The following PSMD14 variants were observed in gnomAD, a reference collection of about 807,000 sequenced individuals.
PSMD14 encodes the protein proteasome 26S subunit, non-ATPase 14.
In PSMD14, 7 loss-of-function variants were observed where a neutral mutation model predicts 41.2. That is an observed-to-expected ratio of 0.17 (90% CI 0.10 to 0.32). PSMD14 has a LOEUF of 0.32. Among genes scored for constraint, PSMD14 ranks in the 10% least tolerant of loss-of-function variants. The probability of loss-of-function intolerance (pLI) is 1.00; values close to 1 mark genes in which losing one functional copy is unlikely to be tolerated. For missense variants in PSMD14, 139 were observed against 375.6 expected (o/e 0.37, Z 5.21); for synonymous variants, 114 against 122.3 (o/e 0.93, Z 0.45).
chr2:161,390,795 T>G (rs1448890776), intron 8 of PSMD14, among the ~76,000 whole-genome samples: 1 of 152,172 alleles, frequency 6.6e-6, no homozygotes, highest in Non-Finnish European at 1.5e-5. Context: ...TTTAATAAAT[T>G]ATGAATGATT....
intron 3 of PSMD14, among the ~76,000 whole-genome samples, chr2:161,348,692 G>A (rs1683078380): frequency 6.6e-6 from 1 of 152,166 alleles, no homozygotes; most frequent in African/African-American, 2.4e-5. Context: ...AAGGTATAAA[G>A]AAATGCACGA....
intron 3 of PSMD14, among the ~76,000 whole-genome samples, chr2:161,362,982 G>A (rs980470364): frequency 3.9e-5 from 6 of 152,108 alleles, no homozygotes; most frequent in Non-Finnish European, 8.8e-5. Context: ...GCTCTTGTCT[G>A]TCCTGTAATT....
In PSMD14 at chr2:161,357,076, C is replaced by T. The variant is rs1193842213; in HGVS notation, c.49-10402C>T. Among the ~76,000 whole-genome samples, 24 of 124,188 alleles carry T rather than the reference C, an allele frequency of 1.9e-4. 1 individual carries two copies. The highest frequency in any genetic ancestry group is 2.8e-4 in the Non-Finnish European group (17 of 61,524). 81.5% of individuals were successfully genotyped at this position (124,188 alleles called of 152,430 possible). On this transcript the variant is annotated intron_variant, in intron 3 of 11. Transcript: ENST00000409682. Reference sequence around the variant, plus strand: ...TTTATGCTGTTATAATGGCAAATGCCTTTTTTTTTTTTAGCACTTAGTCAA... The same window carrying T: ...TTTATGCTGTTATAATGGCAAATGCTTTTTTTTTTTTTAGCACTTAGTCAA...
intron 3 of PSMD14, among the ~76,000 whole-genome samples, chr2:161,321,820 G>A (rs1682612407): frequency 6.6e-6 from 1 of 152,168 alleles, no homozygotes; most frequent in African/African-American, 2.4e-5. Context: ...GAGCTCCTGT[G>A]CCCTCTCTTC....
chr2:161,340,934 A>G (rs1682945956), intron 3 of PSMD14: 1 of 1,613,394 alleles, frequency 6.2e-7, no homozygotes, highest in East Asian at 2.2e-5. Context: ...CCTCCTCCTC[A>G]GGCCCTTCCG....
chr2:161,405,536 G>A lies in PSMD14; in HGVS notation c.772-3301G>A, dbSNP rs554713356. ...TTTATTGAGATGTTTTAAGGATTCAGTAAATTAATATTTGTAAAATCATGC... is the reference window on the plus strand; with the variant it reads ...TTTATTGAGATGTTTTAAGGATTCAATAAATTAATATTTGTAAAATCATGC... On this transcript the variant is annotated intron_variant, in intron 10 of 11. Transcript: ENST00000409682. 2.6e-5 allele frequency among the ~76,000 whole-genome samples: 4 copies of A among 152,270 alleles called. No individual in the cohort carries two copies. In the East Asian group the frequency reaches 7.7e-4, roughly 29 times the overall value.
chr2:161,314,784 A>C (rs887902986), intron 1 of PSMD14, among the ~76,000 whole-genome samples: 1 of 152,212 alleles, frequency 6.6e-6, no homozygotes, highest in Non-Finnish European at 1.5e-5. Flanking sequence ...TGTTTATAGT[A>C]GAATTTGTTT....
intron 10 of PSMD14, among the ~76,000 whole-genome samples, chr2:161,403,970 A>C (rs547286380): frequency 6.6e-6 from 1 of 151,656 alleles, no homozygotes; most frequent in African/African-American, 2.4e-5. Flanking sequence ...GCATGATACT[A>C]TCATAGCTCA....
chr2:161,329,823 A>T (rs980371210), intron 3 of PSMD14, among the ~76,000 whole-genome samples: 1 of 152,166 alleles, frequency 6.6e-6, no homozygotes, highest in Non-Finnish European at 1.5e-5. Flanking sequence ...GGTCAAAAGC[A>T]AGCTAATTAG....
intron 1 of PSMD14, among the ~76,000 whole-genome samples, chr2:161,313,002 A>G (rs747887993): frequency 3.9e-5 from 6 of 152,194 alleles, no homozygotes; most frequent in Non-Finnish European, 7.4e-5. Context: ...TATGCTTACT[A>G]TATGATAAGC....
intron 3 of PSMD14, among the ~76,000 whole-genome samples, chr2:161,333,926 T>G (rs112335657): frequency 0.074 from 11,257 of 152,030 alleles, 512 homozygotes; most frequent in East Asian, 0.18. Context: ...AGCTACTTGG[T>G]AGGCTGAGGC....
intron 3 of PSMD14, among the ~76,000 whole-genome samples, chr2:161,332,534 C>A (rs1682809544): frequency 6.6e-6 from 1 of 152,166 alleles, no homozygotes; most frequent in African/African-American, 2.4e-5. Context: ...CCATCAAGTG[C>A]TTCCATCTGT....
At chr2:161,336,595 A>C (rs890580724) in intron 3 of PSMD14, among the ~76,000 whole-genome samples, 2 of 152,006 alleles carry the variant, frequency 1.3e-5, no homozygotes, top group African/African-American at 4.8e-5. Context: ...ATTTATTTTG[A>C]GACGGAATCT....
intron 3 of PSMD14, among the ~76,000 whole-genome samples, chr2:161,348,946 A>C (rs1253943838): frequency 6.6e-6 from 1 of 152,250 alleles, no homozygotes; most frequent in Non-Finnish European, 1.5e-5. Context: ...TACTCCAGGT[A>C]GTTGTCACGT....
intron 1 of PSMD14, among the ~76,000 whole-genome samples, chr2:161,309,120 TAAAAAC>T (rs1293379984): frequency 6.6e-6 from 1 of 152,236 alleles, no homozygotes; most frequent in Non-Finnish European, 1.5e-5. Context: ...TTGAATATCT[TAAAAAC>T]AAAGTGTGCT....
At chr2:161,377,973 A>T (rs995085632) in intron 7 of PSMD14, among the ~76,000 whole-genome samples, 1 of 151,902 alleles carries the variant, frequency 6.6e-6, no homozygotes, top group Non-Finnish European at 1.5e-5. Context: ...CGTGGAAACT[A>T]TGACTTTGAT....
chr2:161,364,546 T>C (rs1683333892), intron 3 of PSMD14, among the ~76,000 whole-genome samples: 1 of 152,162 alleles, frequency 6.6e-6, no homozygotes, highest in Admixed American at 6.5e-5. Context: ...CTGTTCATGT[T>C]CTTACATACC....
intron 3 of PSMD14, among the ~76,000 whole-genome samples, chr2:161,364,679 A>G (rs1032623572): frequency 3.3e-5 from 5 of 152,156 alleles, no homozygotes; most frequent in Non-Finnish European, 5.9e-5. Flanking sequence ...GGTCTTTAGT[A>G]TCTGTCCCAT....
chr2:161,387,374 G>A (rs997115102), intron 8 of PSMD14, among the ~76,000 whole-genome samples: 4 of 151,976 alleles, frequency 2.6e-5, no homozygotes, highest in Non-Finnish European at 5.9e-5. Flanking sequence ...AAACCTTTCA[G>A]AAATGCCATG....
Sources: gnomAD v4.1 joint callset for allele counts (sites outside exome capture counted in the v4.1 genomes callset) on GRCh38, gnomAD v4.1.1 for gene constraint, MANE v1.5 for transcripts, NCBI Gene and HGNC (gene_info 2026-07-23, HGNC 2026-07-21) for gene names.